POM121C: variants seen among roughly 807,000 people sequenced by gnomAD.
POM121C encodes the protein nuclear envelope pore membrane protein POM 121C.
In POM121C, 20 loss-of-function variants were observed where a neutral mutation model predicts 66.4. The ratio of observed to expected loss-of-function variants is 0.30; its 90% CI spans 0.21 to 0.44. The LOEUF is 0.44. Among genes scored for constraint, POM121C ranks in the 20% least tolerant of loss-of-function variants. POM121C has a pLI of 1.00. For missense variants in POM121C, 580 were observed against 1,225.7 expected, an observed-to-expected ratio of 0.47 and a Z score of 7.87; for synonymous variants, 286 against 528.0, an observed-to-expected ratio of 0.54 and a Z score of 6.28.
At chr7:75,436,895 A>G (rs1280651878) in intron 7 of POM121C, among the ~76,000 whole-genome samples, 23 of 152,094 alleles carry the variant, frequency 1.5e-4, no homozygotes, top group Admixed American at 7.2e-4. Context: ...TGATGGGATT[A>G]CAGGCATGAG....
intron 3 of POM121C, among the ~76,000 whole-genome samples, chr7:75,455,281 G>A (rs1363596138): frequency 2.0e-5 from 3 of 152,250 alleles, no homozygotes; most frequent in Non-Finnish European, 2.9e-5. Flanking sequence ...ATGCCTTGAC[G>A]CACCTTGGGA....
intron 3 of POM121C, among the ~76,000 whole-genome samples, chr7:75,460,611 C>T (rs1335532931): frequency 6.6e-6 from 1 of 152,096 alleles, no homozygotes; most frequent in Admixed American, 6.6e-5. Flanking sequence ...TTGGAATCAG[C>T]TCTTTTGGAA....
intron 7 of POM121C, among the ~76,000 whole-genome samples, chr7:75,430,038 A>G (rs1790104317): frequency 6.6e-6 from 1 of 152,210 alleles, no homozygotes; most frequent in South Asian, 2.1e-4. Flanking sequence ...ATGACATTCC[A>G]TGTTCATAGA....
At chr7:75,430,108 A>T (rs1226961292) in intron 7 of POM121C, among the ~76,000 whole-genome samples, 1 of 152,226 alleles carries the variant, frequency 6.6e-6, no homozygotes, top group Non-Finnish European at 1.5e-5. Flanking sequence ...TAATCAGTAG[A>T]TGAAAGGCAA....
intron 5 of POM121C, 105 bp downstream of exon 5, chr7:75,440,849 G>C: frequency 6.3e-7 from 1 of 1,586,404 alleles, no homozygotes; most frequent in Non-Finnish European, 8.6e-7. Flanking sequence ...GCCTATGAAG[G>C]CTCACAAACT....
At chr7:75,432,956 T>A (rs1790241987) in intron 7 of POM121C, among the ~76,000 whole-genome samples, 1 of 152,080 alleles carries the variant, frequency 6.6e-6, no homozygotes, top group Admixed American at 6.6e-5. Flanking sequence ...TACAGTAGAC[T>A]GGGCACGGTG....
At chr7:75,438,957 C>T (rs1790523092) in intron 6 of POM121C, among the ~76,000 whole-genome samples, 187 bp downstream of exon 6, 1 of 152,132 alleles carries the variant, frequency 6.6e-6, no homozygotes, top group Admixed American at 6.5e-5. Context: ...AATGCAAGAA[C>T]ATTAAAAGGA....
At chr7:75,459,164 A>T (rs1476640127) in intron 3 of POM121C, among the ~76,000 whole-genome samples, 1 of 151,196 alleles carries the variant, frequency 6.6e-6, no homozygotes, top group African/African-American at 2.4e-5. Flanking sequence ...TAAGAAAAAA[A>T]ATTACGTAGA....
intron 1 of POM121C, among the ~76,000 whole-genome samples, chr7:75,483,970 C>T (rs1327275533): frequency 6.6e-6 from 1 of 152,102 alleles, no homozygotes; most frequent in Non-Finnish European, 1.5e-5. Context: ...GGCATGGTGG[C>T]CCACGCCTGT....
chr7:75,417,113 G>A lies in POM121C; in HGVS notation c.*1683C>T, dbSNP rs1789497874. The A allele has an allele frequency of 2.9e-6, 3 of 1,022,544 alleles. No homozygotes were observed. The highest frequency in any genetic ancestry group is 2.4e-6 in the Non-Finnish European group (2 of 849,976). The allele number at this position is 1,022,544 out of a possible 1,614,324, so 63.3% of individuals were successfully genotyped here. The stretch of plus-strand genomic sequence containing the variant: ...ACCCTCCAATCCTAACAGGTATTTA[G>A]GCTTGAGGTTCACTCCCTCCTCAGC... On this transcript the variant is annotated 3_prime_UTR_variant, in exon 15 of 15. Coordinates refer to ENST00000615331, the MANE Select transcript of POM121C (RefSeq NM_001099415.3).
chr7:75,474,488 A>C (rs1489665259), intron 3 of POM121C, among the ~76,000 whole-genome samples: 1 of 152,168 alleles, frequency 6.6e-6, no homozygotes, highest in Non-Finnish European at 1.5e-5. Context: ...GAGGAAGTGA[A>C]TGGGTCCCCA....
At chr7:75,458,090 T>G (rs1405712099) in intron 3 of POM121C, among the ~76,000 whole-genome samples, 2 of 152,252 alleles carry the variant, frequency 1.3e-5, no homozygotes, top group Non-Finnish European at 2.9e-5. Flanking sequence ...AGCTGCACTT[T>G]TTTTTTCCCA....
rs1789487322 is a variant in POM121C, at chr7:75,416,936, G to A, written c.*1860C>T. The A allele has an allele frequency of 1.4e-6, 2 of 1,413,966 alleles. No homozygotes were observed. The highest frequency in any genetic ancestry group is 1.8e-6 in the Non-Finnish European group (2 of 1,087,232). 87.6% of individuals were successfully genotyped at this position (1,413,966 alleles called of 1,614,324 possible). A position where few individuals can be genotyped will look rare whatever the true frequency, so the allele number is the denominator to read the frequency against. On this transcript the variant is annotated 3_prime_UTR_variant, in exon 15 of 15. Transcript: ENST00000615331. ...CCCGCTGCCGTCCAGTGTGTGTACT[G>A]TACACATCCACACTCACTCTCACTC...
chr7:75,417,233 C>T lies in POM121C; in HGVS notation c.*1563G>A. 1.1e-6 allele frequency: 1 copy of T among 942,672 alleles called. No individual in the cohort carries two copies. The highest frequency in any genetic ancestry group is 1.2e-4 in the East Asian group (1 of 8,630). The allele number at this position is 942,672 out of a possible 1,614,324, so 58.4% of individuals were successfully genotyped here. Reference sequence around the variant, plus strand: ...CACATTATTTATAAAATAAGAATTACATTTCATATAACATGGCCAGAAGGA... The same window carrying T: ...CACATTATTTATAAAATAAGAATTATATTTCATATAACATGGCCAGAAGGA... On this transcript the variant is annotated 3_prime_UTR_variant, in exon 15 of 15. Transcript: ENST00000615331.
At chr7:75,485,683 G>C (rs1234659186) in intron 1 of POM121C, among the ~76,000 whole-genome samples, 181 bp downstream of exon 1, 7 of 152,130 alleles carry the variant, frequency 4.6e-5, no homozygotes, top group African/African-American at 1.7e-4. Context: ...CGTAAGCCTC[G>C]TCCTCCCAGA....
intron 1 of POM121C, among the ~76,000 whole-genome samples, chr7:75,477,251 T>C (rs1554479524): frequency 2.0e-5 from 3 of 151,760 alleles, no homozygotes; most frequent in African/African-American, 2.4e-5. Context: ...TTATCTACAA[T>C]TAGAGAAGAG....
intron 3 of POM121C, chr7:75,442,324 C>T: frequency 7.1e-7 from 1 of 1,411,318 alleles, no homozygotes; most frequent in Non-Finnish European, 9.1e-7. Flanking sequence ...GCTGCGGCGG[C>T]CCGGGCTTGC....
At chr7:75,446,836 C>A (rs1790826409) in intron 3 of POM121C, among the ~76,000 whole-genome samples, 1 of 150,166 alleles carries the variant, frequency 6.7e-6, no homozygotes, top group African/African-American at 2.4e-5. Flanking sequence ...GGTGAAACGC[C>A]ATCTCTATTA....
intron 3 of POM121C, among the ~76,000 whole-genome samples, chr7:75,450,695 C>A (rs879997264): frequency 1.3e-5 from 2 of 152,240 alleles, no homozygotes; most frequent in African/African-American, 2.4e-5. Context: ...AATCTTTGCA[C>A]AAATAGTTTG....
Sources: gnomAD v4.1 joint callset for allele counts (sites outside exome capture counted in the v4.1 genomes callset) on GRCh38, gnomAD v4.1.1 for gene constraint, MANE v1.5 for transcripts, NCBI Gene and HGNC (gene_info 2026-07-23, HGNC 2026-07-21) for gene names.